The following GPC5 variants were observed in gnomAD, a reference collection of about 807,000 sequenced individuals.
GPC5 encodes the protein glypican 5, also known as glypican-5.
A neutral mutation model predicts 53.9 loss-of-function variants in GPC5; 47 were observed. The observed-to-expected ratio is 0.87, with a 90% confidence interval of 0.69 to 1.11. The LOEUF is 1.11. Among genes scored for constraint, GPC5 ranks in the 50% most tolerant of loss-of-function variants. GPC5 has a pLI of 0.00. For synonymous variants in GPC5, 286 were observed against 263.3 expected (o/e 1.09, Z -0.84); for missense variants, 748 against 713.1 (o/e 1.05, Z -0.56).
intron 4 of GPC5, among the ~76,000 whole-genome samples, chr13:91,754,132 A>G (rs72643293): frequency 0.013 from 1,930 of 152,262 alleles, 28 homozygotes; most frequent in Non-Finnish European, 0.019. Context: ...GTGGGACCCT[A>G]AAGTATGGTT....
chr13:92,415,787 GC>G (rs947332377), intron 7 of GPC5, among the ~76,000 whole-genome samples: 10 of 152,144 alleles, frequency 6.6e-5, no homozygotes, highest in Admixed American at 2.0e-4. Flanking sequence ...GGCCTGAGGG[GC>G]TTTGATCATA....
intron 2 of GPC5, among the ~76,000 whole-genome samples, chr13:91,687,388 G>T (rs2035645933): frequency 6.6e-6 from 1 of 151,868 alleles, no homozygotes; most frequent in African/African-American, 2.4e-5. Flanking sequence ...AAGGAATGTG[G>T]GCTGGAAGCA....
rs1555302926 is a variant in GPC5, at chr13:92,685,561, T to TTTTTTTTTTTTTTAA, written c.1562-180707_1562-180706insATTTTTTTTTTTTTA. On this transcript the variant is annotated intron_variant, in intron 7 of 7. Transcript: ENST00000377067. The stretch of plus-strand genomic sequence containing the variant: ...TTATGCTCATTTTTTTTTTTTTTAA[T>TTTTTTTTTTTTTTAA]TTTTTTTTTTTTTATTATACTCTAA... Among the ~76,000 whole-genome samples, 184 of 100,866 alleles carry TTTTTTTTTTTTTTAA rather than the reference T, an allele frequency of 1.8e-3. 1 individual carries two copies. Among genetic ancestry groups the TTTTTTTTTTTTTTAA allele is most frequent in the African/African-American group, 5.1e-3 (144 of 28,432 alleles). 66.2% of individuals were successfully genotyped at this position (100,866 alleles called of 152,430 possible).
At chr13:91,858,429 G>A (rs966194433) in intron 5 of GPC5, among the ~76,000 whole-genome samples, 2 of 151,948 alleles carry the variant, frequency 1.3e-5, no homozygotes, top group African/African-American at 4.8e-5. Context: ...TGATCATGCG[G>A]TTTTTGTCCT....
At chr13:92,352,873 T>C (rs1485620486) in intron 7 of GPC5, among the ~76,000 whole-genome samples, 1 of 152,174 alleles carries the variant, frequency 6.6e-6, no homozygotes, top group East Asian at 1.9e-4. Flanking sequence ...CACCTGCCCA[T>C]GTACACCTGT....
At chr13:91,889,571 T>G (rs1204196536) in intron 5 of GPC5, among the ~76,000 whole-genome samples, 2 of 152,164 alleles carry the variant, frequency 1.3e-5, no homozygotes, top group Non-Finnish European at 2.9e-5. Flanking sequence ...TACACATTCA[T>G]GGGATTTGTT....
intron 6 of GPC5, among the ~76,000 whole-genome samples, chr13:92,044,139 G>A (rs578095694): frequency 1.1e-4 from 16 of 152,220 alleles, no homozygotes; most frequent in South Asian, 6.2e-4. Context: ...CCTGTACAAC[G>A]TTTCCTGTAC....
chr13:92,182,739 G>C (rs949380072), intron 7 of GPC5, among the ~76,000 whole-genome samples: 4 of 152,064 alleles, frequency 2.6e-5, no homozygotes, highest in Non-Finnish European at 4.4e-5. Context: ...CGCGGTGGTG[G>C]GCGCCTGCAG....
chr13:91,829,592 T>C (rs370508049), intron 5 of GPC5, among the ~76,000 whole-genome samples: 15 of 152,054 alleles, frequency 9.9e-5, no homozygotes, highest in African/African-American at 2.7e-4. Flanking sequence ...ATAATTAGTT[T>C]ATCTTGGTGT....
intron 6 of GPC5, among the ~76,000 whole-genome samples, chr13:92,029,317 A>G (rs1027847645): frequency 1.3e-5 from 2 of 152,186 alleles, no homozygotes; most frequent in African/African-American, 4.8e-5. Context: ...TGAAATTTTG[A>G]CAATGTTATA....
chr13:92,083,128 A>G (rs1451473239), intron 6 of GPC5, among the ~76,000 whole-genome samples: 1 of 152,232 alleles, frequency 6.6e-6, no homozygotes, highest in Non-Finnish European at 1.5e-5. Flanking sequence ...AACTTATTTT[A>G]CAGAGATTCC....
At chr13:91,486,824 G>A (rs1400989194) in intron 2 of GPC5, 1 of 152,192 alleles carries the variant, frequency 6.6e-6, no homozygotes, top group Non-Finnish European at 1.5e-5. Context: ...TTCTGGAGAG[G>A]TAAAGCAAAG....
chr13:91,976,468 A>T (rs901714201), intron 6 of GPC5, among the ~76,000 whole-genome samples: 2 of 152,160 alleles, frequency 1.3e-5, no homozygotes, highest in Non-Finnish European at 2.9e-5. Flanking sequence ...GATCAGCCTC[A>T]AATCCGTCTC....
intron 4 of GPC5, among the ~76,000 whole-genome samples, chr13:91,749,319 C>A (rs1177534498): frequency 6.6e-6 from 1 of 152,170 alleles, no homozygotes; most frequent in African/African-American, 2.4e-5. Flanking sequence ...AACATAATGT[C>A]CTCCACTTCC....
At chr13:91,457,456 T>C (rs1594114126) in intron 2 of GPC5, among the ~76,000 whole-genome samples, 1 of 152,138 alleles carries the variant, frequency 6.6e-6, no homozygotes. Context: ...TTTGCATTTG[T>C]CATGGTTATT....
At chr13:91,977,379 G>T (rs1211143169) in intron 6 of GPC5, among the ~76,000 whole-genome samples, 2 of 152,148 alleles carry the variant, frequency 1.3e-5, no homozygotes, top group Non-Finnish European at 1.5e-5. Context: ...AAGGAAGAAA[G>T]CAATTTGTTA....
In GPC5 at chr13:92,725,237, A is replaced by T. The variant is rs118012793; in HGVS notation, c.1562-141045A>T. ...TTCGTGCCTATTTCCTGGAATTGTGATTGTCTCATAAATTTGCTACTATGC... is the reference window on the plus strand; with the variant it reads ...TTCGTGCCTATTTCCTGGAATTGTGTTTGTCTCATAAATTTGCTACTATGC... On this transcript the variant is annotated intron_variant, in intron 7 of 7. Transcript: ENST00000377067. 8.8e-3 allele frequency among the ~76,000 whole-genome samples: 1,335 copies of T among 151,534 alleles called. 17 individuals are homozygous for T. The highest frequency in any genetic ancestry group is 0.034 in the Middle Eastern group (10 of 294).
intron 6 of GPC5, among the ~76,000 whole-genome samples, chr13:91,990,065 T>C (rs747738659): frequency 6.6e-4 from 101 of 152,358 alleles, no homozygotes; most frequent in Non-Finnish European, 1.1e-3. Flanking sequence ...CACAGAGATA[T>C]GAAGATAACC....
chr13:91,580,088 T>C (rs1419615306), intron 2 of GPC5, among the ~76,000 whole-genome samples: 2 of 152,220 alleles, frequency 1.3e-5, no homozygotes. Context: ...TCTTGCTCTG[T>C]CACCCAGGCT....
Sources: gnomAD v4.1 joint callset for allele counts (sites outside exome capture counted in the v4.1 genomes callset) on GRCh38, gnomAD v4.1.1 for gene constraint, MANE v1.5 for transcripts, NCBI Gene and HGNC (gene_info 2026-07-23, HGNC 2026-07-21) for gene names.